Variants in IGDCC4 observed in about 807,000 individuals in gnomAD.
The protein encoded by IGDCC4 is likely ortholog of mouse neighbor of Punc E11.
Under a neutral mutation model 116.6 loss-of-function variants are expected in IGDCC4, and 72 were observed. That is an observed-to-expected ratio of 0.62 (90% CI 0.51 to 0.75). The LOEUF (loss-of-function observed/expected upper bound fraction) is 0.75. IGDCC4 is among the 30% of genes least tolerant of loss of function. IGDCC4 has a pLI of 0.00. For synonymous variants in IGDCC4, 709 were observed against 719.9 expected (o/e 0.98, Z 0.24); for missense variants, 1,501 against 1,662.4 (o/e 0.90, Z 1.69).
At chr15:65,398,299 C>T (rs1364572146) in intron 5 of IGDCC4, among the ~76,000 whole-genome samples, 1 of 151,942 alleles carries the variant, frequency 6.6e-6, no homozygotes, top group African/African-American at 2.4e-5. Context: ...TTTGGGAGGC[C>T]AAGGCGGGTG....
At chr15:65,422,519 AACACACACACAC>A (rs140587709) in intron 1 of IGDCC4, among the ~76,000 whole-genome samples, 3 of 131,320 alleles carry the variant, frequency 2.3e-5, no homozygotes, top group South Asian at 2.7e-4. Context: ...GAGCACTCCC[AACACACACACAC>A]ACACACACAC....
chr15:65,396,236 A>G, intron 6 of IGDCC4, 73 bp from the exon 7 acceptor site: 1 of 1,132,772 alleles, frequency 8.8e-7, no homozygotes, highest in Non-Finnish European at 1.1e-6. Flanking sequence ...CAGTACCCCA[A>G]GCCTGCCCCC....
chr15:65,412,779 T>A (rs115846657), intron 1 of IGDCC4, among the ~76,000 whole-genome samples: 3,014 of 151,700 alleles, frequency 0.02, 93 homozygotes, highest in African/African-American at 0.063. Context: ...TAAAAAAAAA[T>A]TTTTTTAATT....
At chr15:65,396,298 C>T (rs1161507146) in intron 6 of IGDCC4, 135 bp from the exon 7 acceptor site, 1 of 998,824 alleles carries the variant, frequency 1.0e-6, no homozygotes, top group Non-Finnish European at 1.5e-6. Context: ...CCCTGATTCA[C>T]CCTTTCCAAA....
Position 65,384,027 on chromosome 15 carries a change from C to T in IGDCC4, c.3735G>A (p.Pro1245=), listed in dbSNP as rs368785613. The change falls in exon 20 of 20, where the codon CCG becomes CCA. Residue 1245 remains proline (P), a synonymous_variant. Coordinates refer to ENST00000352385, the MANE Select transcript of IGDCC4 (RefSeq NM_020962.3). The surrounding 1 kb of genome is among the most constrained non-coding windows in gnomAD (Gnocchi z 4.9). The part of the protein sequence containing the change: ...LGASPGLPRS[P]VSSSA ...GGAAGAGCTAGGCAGAGGAGGAGAC[C>T]GGGGATCTGGGCAGGCCTGGGCTGG... The T allele has an allele frequency of 2.0e-5, 32 of 1,593,994 alleles. No individual in the cohort carries two copies. The highest frequency in any genetic ancestry group is 2.4e-5 in the Non-Finnish European group (28 of 1,165,736).
rs1271195221 is a variant in IGDCC4 at position 65,395,788 on chromosome 15, T to C, written c.1373A>G (p.Gln458Arg). The change falls in exon 7 of 20, where the codon CAG (glutamine) becomes CGG (arginine). Residue 458 changes from glutamine to arginine, a missense_variant. Physicochemically the swap from Gln to Arg is conservative, Grantham distance 43. Coordinates refer to ENST00000352385, the MANE Select transcript of IGDCC4 (RefSeq NM_020962.3). ...GTAGTGGAGAGAGAAGCCGATGATC[T>C]GCTCGCTGTGCATCTCGGGCCGCTC... is the stretch of plus-strand genomic sequence containing the variant. ...AWERPEMHSE[Q>R]IIGFSLHYQK... is the part of the protein sequence containing the mutation. 6.8e-7 allele frequency: 1 copy of C among 1,471,692 alleles called. No individual in the cohort carries two copies. Among genetic ancestry groups the C allele is most frequent in the African/African-American group, 1.4e-5 (1 of 69,624 alleles). 91.2% of individuals were successfully genotyped at this position (1,471,692 alleles called of 1,614,324 possible). A position where few individuals can be genotyped will look rare whatever the true frequency, so the allele number is the denominator to read the frequency against.
chr15:65,398,533 C>CAAAAA (rs3082803), intron 5 of IGDCC4, among the ~76,000 whole-genome samples: 31 of 77,584 alleles, frequency 4.0e-4, no homozygotes, highest in African/African-American at 8.7e-4. Flanking sequence ...AACTCCATCT[C>CAAAAA]AAAAAAAAAA....
At chr15:65,421,162 C>T (rs567348341) in intron 1 of IGDCC4, among the ~76,000 whole-genome samples, 176 of 152,316 alleles carry the variant, frequency 1.2e-3, no homozygotes, top group African/African-American at 3.9e-3. Context: ...CCCTCGCCTG[C>T]TTTGTGCGTT....
At chr15:65,402,696 C>A (rs568883257) in intron 3 of IGDCC4, among the ~76,000 whole-genome samples, 1 of 152,104 alleles carries the variant, frequency 6.6e-6, no homozygotes, top group South Asian at 2.1e-4. Flanking sequence ...GGAGAAACCC[C>A]GTCTCTACTA....
chr15:65,402,665 C>T (rs533714561), intron 3 of IGDCC4, among the ~76,000 whole-genome samples, 178 bp from the exon 4 acceptor site: 6 of 152,272 alleles, frequency 3.9e-5, no homozygotes, highest in Admixed American at 2.0e-4. Context: ...GTCGGGAGTT[C>T]GAGACCAGCC....
At position 65,400,796 on chromosome 15, in the gene IGDCC4, C is replaced by T. The variant is rs2062976978; in HGVS notation, c.841+10G>A. 8 of 1,586,872 alleles carry T rather than the reference C, an allele frequency of 5.0e-6. No homozygotes were observed. Among genetic ancestry groups the T allele is most frequent in the African/African-American group, 2.7e-5 (2 of 74,426 alleles). ...TCCCATGCCCTCCTTCTCCCACCCC[C>T]TCCACTCACCTTGTCGGACCCAGGA... is the stretch of plus-strand genomic sequence containing the variant. On this transcript the variant is annotated intron_variant, in intron 5 of 19. Coordinates refer to ENST00000352385, the MANE Select transcript of IGDCC4 (RefSeq NM_020962.3).
In IGDCC4 at chr15:65,385,108, C is replaced by A. The variant is rs116928937; in HGVS notation, c.3188G>T (p.Trp1063Leu). 0.018 allele frequency: 28,646 copies of A among 1,591,488 alleles called. 327 individuals carry two copies. The highest frequency in any genetic ancestry group is 0.02 in the Admixed American group (1,137 of 57,228). ...CCAGCTCAGCCCGCTTGGTTGAGCC[C>A]AGGAGATCTGCACGGGGGAAAGAAG... Reference protein sequence around the residue: ...GRSHSKRKISWAQPSGLSWAG... With the variant: ...GRSHSKRKISLAQPSGLSWAG... Residue 1063 changes from tryptophan to leucine, a missense_variant, in exon 19 of 20, where the codon TGG (tryptophan) becomes TTG (leucine). By Grantham distance (61) the Trp-to-Leu change is moderately conservative. Transcript: ENST00000352385.
At position 65,395,888 on chromosome 15, in the gene IGDCC4, G is replaced by A. The variant is rs781015651; in HGVS notation, c.1273C>T (p.Arg425Cys). 1 of 1,588,258 alleles carries A rather than the reference G, an allele frequency of 6.3e-7. No homozygotes were observed. Among genetic ancestry groups the A allele is most frequent in the Non-Finnish European group, 8.5e-7 (1 of 1,174,304 alleles). Residue 425 changes from arginine (R) to cysteine (C), a missense_variant, in exon 7 of 20, where the codon CGC becomes TGC. Around this residue, in one of 3 missense-constraint regions of IGDCC4, gnomAD observed 898 missense variants for 978.9 expected, o/e 0.92. Transcript: ENST00000352385. ...CAAASLAVVV[R>C]EGLPSAPTRV... ...GTGGGGGCGCTGGGCAGCCCCTCGC[G>A]CACCACCACGGCCAGCGACGCGGCA...
chr15:65,386,064 A>C lies in IGDCC4; in HGVS notation c.2952-5T>G. 1.3e-6 allele frequency: 2 copies of C among 1,485,396 alleles called. No individual in the cohort carries two copies. The highest frequency in any genetic ancestry group is 1.3e-5 in the South Asian group (1 of 74,230). The allele number at this position is 1,485,396 out of a possible 1,614,324, so 92.0% of individuals were successfully genotyped here. A position where few individuals can be genotyped will look rare whatever the true frequency, so the allele number is the denominator to read the frequency against. On this transcript the variant is annotated splice_polypyrimidine_tract_variant and splice_region_variant and intron_variant, in intron 17 of 19. Coordinates refer to ENST00000352385, the MANE Select transcript of IGDCC4 (RefSeq NM_020962.3). ...GACAGGCCTGGGAGGGATTCCCTGG[A>C]AGGGAAGACGGAAAACAAGGCATAG...
chr15:65,385,036 G>A lies in IGDCC4; in HGVS notation c.3260C>T (p.Pro1087Leu). Residue 1087 changes from proline (P) to leucine (L), a missense_variant, in exon 19 of 20, where the codon CCG becomes CTG. Physicochemically the swap from Pro to Leu is moderately conservative, Grantham distance 98 (BLOSUM62 -3). Around this residue, in one of 3 missense-constraint regions of IGDCC4, gnomAD observed 368 missense variants for 355.6 expected, o/e 1.03. Coordinates refer to ENST00000352385, the MANE Select transcript of IGDCC4 (RefSeq NM_020962.3). ...GGGCAGCAGGGCCCGGGTCAGAGCC[G>A]GCCGGGGGCCTGCCTGGGGCAGCTC... Reference protein sequence around the residue: ...GCELPQAGPRPALTRALLPPA... With the variant: ...GCELPQAGPRLALTRALLPPA... 1 of 1,604,166 alleles carries A rather than the reference G, an allele frequency of 6.2e-7. No individual in the cohort carries two copies. The highest frequency in any genetic ancestry group is 1.7e-5 in the Admixed American group (1 of 57,424).
At chr15:65,386,500 C>T (rs1171727125) in intron 17 of IGDCC4, 51 bp downstream of exon 17, 1 of 1,476,418 alleles carries the variant, frequency 6.8e-7, no homozygotes, top group East Asian at 2.3e-5. Flanking sequence ...CATTCTGCAG[C>T]CCTTCCTGGA....
In IGDCC4 at chr15:65,382,401, C is replaced by T. The variant is rs2091408953; in HGVS notation, c.*1608G>A. On this transcript the variant is annotated 3_prime_UTR_variant, in exon 20 of 20. Transcript: ENST00000352385. ...CGCAACTGTGCTGAGAGACATTCCA[C>T]CATTTAAAAAAAAAAAAAAAAAAAA... The T allele has an allele frequency of 7.0e-6, 1 of 141,988 alleles. No homozygotes were observed. The highest frequency in any genetic ancestry group is 2.2e-4 in the South Asian group (1 of 4,556). The allele number at this position is 141,988 out of a possible 1,614,324, so 8.8% of individuals were successfully genotyped here. A position where few individuals can be genotyped will look rare whatever the true frequency, so the allele number is the denominator to read the frequency against.
In IGDCC4 at chr15:65,393,102, A is replaced by G. The variant is rs185416931; in HGVS notation, c.1885+259T>C. On this transcript the variant is annotated intron_variant, in intron 10 of 19. Coordinates refer to ENST00000352385, the MANE Select transcript of IGDCC4 (RefSeq NM_020962.3). The surrounding 1 kb of genome is among the most constrained non-coding windows in gnomAD (Gnocchi z 4.6). ...GTACTAAGCACTTTAGTTACAATAC[A>G]TTATTCAACCTCATGCCATTCCTGG... Among the ~76,000 whole-genome samples the G allele has an allele frequency of 2.0e-5, 3 of 152,314 alleles. No individual in the cohort carries two copies. Among genetic ancestry groups the G allele is most frequent in the Admixed American group, 2.0e-4 (3 of 15,298 alleles).
intron 1 of IGDCC4, among the ~76,000 whole-genome samples, chr15:65,412,574 G>A (rs1416139276): frequency 1.5e-5 from 2 of 134,224 alleles, no homozygotes; most frequent in Non-Finnish European, 3.1e-5. Context: ...GCTCAGTAAT[G>A]TCATTCCCTA....
Sources: allele counts gnomAD v4.1 joint callset (sites outside exome capture counted in the v4.1 genomes callset), GRCh38; gene constraint gnomAD v4.1.1; regional missense constraint gnomAD v4.1.1; non-coding constraint Gnocchi (gnomAD v3.1); transcripts MANE v1.5; gene names NCBI Gene and HGNC (gene_info 2026-07-23, HGNC 2026-07-21).